Variants in MRC1 observed in about 807,000 individuals in gnomAD.
MRC1 encodes mannose receptor C-type 1.
MRC1 carries 62 observed loss-of-function variants against 102.9 expected under a neutral mutation model. The ratio of observed to expected loss-of-function variants is 0.60; its 90% CI spans 0.49 to 0.74. The LOEUF is 0.74. Ranked by LOEUF, MRC1 falls within the 30% of genes least tolerant of loss-of-function variation. The pLI is 0.00. For synonymous variants in MRC1, 457 were observed against 298.4 expected, an observed-to-expected ratio of 1.53 and a Z score of -5.48; for missense variants, 1,237 against 862.8, an observed-to-expected ratio of 1.43 and a Z score of -5.43.
At chr10:17,877,817 C>T in intron 17 of MRC1, 83 bp from the exon 18 acceptor site, 1 of 859,318 alleles carries the variant, frequency 1.2e-6, no homozygotes, top group Non-Finnish European at 2.0e-6. Flanking sequence ...GATTAGGCTG[C>T]CTCATTAACA....
At chr10:17,872,222 A>AT in intron 15 of MRC1, 96 bp downstream of exon 15, 1 of 776,080 alleles carries the variant, frequency 1.3e-6, no homozygotes, top group South Asian at 1.4e-5. Context: ...AACAAACAAA[A>AT]TAACAAAATC....
At chr10:17,878,624 G>A (rs954342602) in intron 18 of MRC1, among the ~76,000 whole-genome samples, 2 of 151,994 alleles carry the variant, frequency 1.3e-5, no homozygotes, top group African/African-American at 2.4e-5. Context: ...GACTGCTATT[G>A]TCATCTTTGA....
In MRC1 at chr10:17,911,076, G is replaced by T. The variant is rs1406560996; in HGVS notation, c.*611G>T. Reference sequence around the variant, plus strand: ...TGTTATATGTATATCAGGAATACAAGGATGTGAAATAAAACTGTAAATTTG... The same window carrying T: ...TGTTATATGTATATCAGGAATACAATGATGTGAAATAAAACTGTAAATTTG... On this transcript the variant is annotated 3_prime_UTR_variant, in exon 30 of 30. Coordinates refer to ENST00000569591, the MANE Select transcript of MRC1 (RefSeq NM_002438.4). 6.5e-6 allele frequency: 1 copy of T among 154,530 alleles called. No individual in the cohort carries two copies. The highest frequency in any genetic ancestry group is 2.4e-5 in the African/African-American group (1 of 41,440). 9.6% of individuals were successfully genotyped at this position (154,530 alleles called of 1,614,324 possible). A position where few individuals can be genotyped will look rare whatever the true frequency, so the allele number is the denominator to read the frequency against.
intron 22 of MRC1, among the ~76,000 whole-genome samples, chr10:17,891,252 C>T (rs1458459919): frequency 2.6e-5 from 4 of 151,448 alleles, no homozygotes; most frequent in South Asian, 4.2e-4. Context: ...CTACAAGCAC[C>T]GCCTCCCGGG....
intron 5 of MRC1, among the ~76,000 whole-genome samples, chr10:17,842,899 G>T (rs1838772123): frequency 6.6e-6 from 1 of 152,204 alleles, no homozygotes. Context: ...GTAGGTGCAA[G>T]ATTAAATCAC....
intron 21 of MRC1, among the ~76,000 whole-genome samples, chr10:17,881,707 T>G (rs1161289185): frequency 6.9e-6 from 1 of 145,078 alleles, no homozygotes; most frequent in Non-Finnish European, 1.5e-5. Context: ...AACAAGGTCT[T>G]ACTCTGTTGC....
chr10:17,857,001 C>A (rs1224615388), intron 9 of MRC1, among the ~76,000 whole-genome samples: 1 of 152,164 alleles, frequency 6.6e-6, no homozygotes, highest in African/African-American at 2.4e-5. Context: ...GCTACATCTT[C>A]TTTTCTACTT....
intron 8 of MRC1, among the ~76,000 whole-genome samples, chr10:17,855,453 C>T (rs1440801643): frequency 6.6e-6 from 1 of 151,790 alleles, no homozygotes; most frequent in South Asian, 2.1e-4. Context: ...CGCCTGTAGT[C>T]CCAGCTACTC....
intron 22 of MRC1, among the ~76,000 whole-genome samples, chr10:17,891,589 G>T (rs1833677206): frequency 6.6e-6 from 1 of 152,180 alleles, no homozygotes; most frequent in Non-Finnish European, 1.5e-5. Context: ...TGTCTTCCAT[G>T]AAACTGGTCC....
chr10:17,829,256 G>C lies in MRC1; in HGVS notation c.637+1541G>C, dbSNP rs1039275253. Reference sequence around the variant, plus strand: ...CTATTTCAAGCATTATTGTAAAACAGAACAACTTAAAAAATACCTGAATTT... The same window carrying C: ...CTATTTCAAGCATTATTGTAAAACACAACAACTTAAAAAATACCTGAATTT... On this transcript the variant is annotated intron_variant, in intron 3 of 29. Coordinates refer to ENST00000569591, the MANE Select transcript of MRC1 (RefSeq NM_002438.4). Among the ~76,000 whole-genome samples the C allele has an allele frequency of 3.0e-4, 45 of 151,562 alleles. 1 individual carries two copies. The highest frequency in any genetic ancestry group is 5.4e-4 in the Non-Finnish European group (37 of 68,028).
rs1032271255 is a variant in MRC1 at position 17,850,156 on chromosome 10, A to G, written c.1249+392A>G. Among the ~76,000 whole-genome samples, 17 of 152,008 alleles carry G rather than the reference A, an allele frequency of 1.1e-4. No homozygotes were observed. In the East Asian group the frequency reaches 1.2e-3, roughly 10 times the overall value. On this transcript the variant is annotated intron_variant, in intron 7 of 29. Transcript: ENST00000569591. ...TTTTTAGGTCCATATTTTATCTCCT[A>G]AAAAAGATTTCTAAATGGACTGTTT...
At chr10:17,908,676 C>A (rs1190480412) in intron 28 of MRC1, among the ~76,000 whole-genome samples, 1 of 152,152 alleles carries the variant, frequency 6.6e-6, no homozygotes, top group Non-Finnish European at 1.5e-5. Flanking sequence ...TCAAGCCATT[C>A]TCCTGCCTCA....
intron 4 of MRC1, among the ~76,000 whole-genome samples, chr10:17,835,590 A>T (rs1554839402): frequency 6.6e-6 from 1 of 152,214 alleles, no homozygotes; most frequent in East Asian, 1.9e-4. Flanking sequence ...GTGAATATTT[A>T]TGACCCCTCT....
intron 26 of MRC1, among the ~76,000 whole-genome samples, chr10:17,904,167 A>C (rs1589197231): frequency 6.6e-6 from 1 of 152,188 alleles, no homozygotes; most frequent in Admixed American, 6.5e-5. Flanking sequence ...AGATAGAGTT[A>C]TACATAAAAA....
At chr10:17,909,444 C>A (rs1589198741) in intron 29 of MRC1, 97 bp downstream of exon 29, 1 of 756,414 alleles carries the variant, frequency 1.3e-6, no homozygotes, top group South Asian at 1.5e-5. Context: ...CTCCCCTGCT[C>A]TCTCAGTAGA....
intron 7 of MRC1, among the ~76,000 whole-genome samples, chr10:17,851,862 T>C (rs1838922601): frequency 6.6e-6 from 1 of 152,240 alleles, no homozygotes; most frequent in Non-Finnish European, 1.5e-5. Context: ...AAAAGCAAAG[T>C]TGAATGACAA....
chr10:17,863,289 A>G (rs964262980), intron 10 of MRC1, among the ~76,000 whole-genome samples: 1 of 152,156 alleles, frequency 6.6e-6, no homozygotes, highest in Non-Finnish European at 1.5e-5. Context: ...CTAGAGGGAG[A>G]TGGTTTGAGT....
At chr10:17,862,052 A>T (rs966525976) in intron 10 of MRC1, among the ~76,000 whole-genome samples, 2 of 152,106 alleles carry the variant, frequency 1.3e-5, no homozygotes, top group African/African-American at 4.8e-5. Context: ...CTTTTCACCT[A>T]CTCTATGCAA....
chr10:17,849,952 A>G (rs1397975017), intron 7 of MRC1, among the ~76,000 whole-genome samples, 188 bp downstream of exon 7: 2 of 152,254 alleles, frequency 1.3e-5, no homozygotes, highest in East Asian at 1.9e-4. Flanking sequence ...AATAATTGAA[A>G]GAATTCTTAT....
Sources: allele counts gnomAD v4.1 joint callset (sites outside exome capture counted in the v4.1 genomes callset), GRCh38; gene constraint gnomAD v4.1.1; transcripts MANE v1.5; gene names NCBI Gene and HGNC (gene_info 2026-07-23, HGNC 2026-07-21).